TNR: variants seen among roughly 807,000 people sequenced by gnomAD.
TNR encodes tenascin R, also known as tenascin-R.
A neutral mutation model predicts 150.4 loss-of-function variants in TNR; 45 were observed. The ratio of observed to expected loss-of-function variants is 0.30; its 90% CI spans 0.24 to 0.38. TNR has a LOEUF of 0.38. Among genes scored for constraint, TNR ranks in the 10% least tolerant of loss-of-function variants. The pLI, the probability that TNR is intolerant of heterozygous loss-of-function variation, is 1.00. For synonymous variants in TNR, 687 were observed against 678.4 expected (o/e 1.01, Z -0.20); for missense variants, 1,544 against 1,759.1 (o/e 0.88, Z 2.19).
At chr1:175,629,724 T>C (rs777367083) in intron 1 of TNR, among the ~76,000 whole-genome samples, 11 of 152,096 alleles carry the variant, frequency 7.2e-5, no homozygotes, top group Non-Finnish European at 1.2e-4. Context: ...AAGCCAAGAA[T>C]TTTACCAGTG....
At chr1:175,545,672 G>A (rs1660657623) in intron 1 of TNR, among the ~76,000 whole-genome samples, 8 of 152,162 alleles carry the variant, frequency 5.3e-5, no homozygotes, top group Admixed American at 5.2e-4. Context: ...GATCTTCAAA[G>A]CAACTCTATG....
intron 8 of TNR, 109 bp from the exon 9 acceptor site, chr1:175,379,846 C>A: frequency 8.1e-7 from 1 of 1,240,012 alleles, no homozygotes; most frequent in Non-Finnish European, 1.1e-6. Context: ...CCCCCTGACC[C>A]TCTGGCTCAC....
intron 1 of TNR, among the ~76,000 whole-genome samples, chr1:175,567,441 T>C (rs1661688390): frequency 6.6e-6 from 1 of 152,152 alleles, no homozygotes; most frequent in East Asian, 1.9e-4. Flanking sequence ...GATGATTGAC[T>C]TGCAGCAGAA....
intron 1 of TNR, among the ~76,000 whole-genome samples, chr1:175,549,464 C>A (rs1397410116): frequency 6.6e-6 from 1 of 152,152 alleles, no homozygotes; most frequent in East Asian, 1.9e-4. Context: ...AGATAGCCTG[C>A]AAGATTTCTC....
chr1:175,652,716 G>A (rs1344776001), intron 1 of TNR, among the ~76,000 whole-genome samples: 1 of 152,176 alleles, frequency 6.6e-6, no homozygotes, highest in Non-Finnish European at 1.5e-5. Flanking sequence ...ATGGTTGTAA[G>A]TTTCCTGAGG....
intron 1 of TNR, among the ~76,000 whole-genome samples, chr1:175,605,268 C>T (rs1409063500): frequency 6.6e-6 from 1 of 152,102 alleles, no homozygotes; most frequent in Non-Finnish European, 1.5e-5. Flanking sequence ...TTAACCTTTC[C>T]AAAAATTTCA....
intron 10 of TNR, 122 bp from the exon 11 acceptor site, chr1:175,366,260 T>C (rs988697837): frequency 1.0e-5 from 11 of 1,057,346 alleles, no homozygotes; most frequent in Non-Finnish European, 1.3e-5. Flanking sequence ...TAGCTTGTCA[T>C]TGCTGACACT....
chr1:175,359,519 G>GA (rs1651493072), intron 15 of TNR, 93 bp downstream of exon 15: 15 of 1,597,284 alleles, frequency 9.4e-6, no homozygotes, highest in Middle Eastern at 2.3e-4. Flanking sequence ...CCTTCAGATT[G>GA]AAAAAATGTT....
At chr1:175,555,163 G>A (rs1278198093) in intron 1 of TNR, among the ~76,000 whole-genome samples, 2 of 152,170 alleles carry the variant, frequency 1.3e-5, no homozygotes, top group African/African-American at 2.4e-5. Flanking sequence ...ATTACACAGT[G>A]CCTGGCCCAG....
intron 2 of TNR, among the ~76,000 whole-genome samples, chr1:175,448,819 G>C (rs1363755984): frequency 1.3e-5 from 2 of 152,200 alleles, no homozygotes; most frequent in Non-Finnish European, 2.9e-5. Context: ...CCAAAGGCAG[G>C]CAGGGGAGCA....
intron 1 of TNR, among the ~76,000 whole-genome samples, chr1:175,737,150 G>T (rs765303716): frequency 6.6e-6 from 1 of 152,196 alleles, no homozygotes; most frequent in African/African-American, 2.4e-5. Flanking sequence ...GGGCAAGCAC[G>T]TTAGCCTCTC....
chr1:175,519,700 C>A (rs1659558817), intron 2 of TNR, among the ~76,000 whole-genome samples: 1 of 152,232 alleles, frequency 6.6e-6, no homozygotes, highest in African/African-American at 2.4e-5. Context: ...GGGTGCCCTG[C>A]TTTCCTTTCA....
intron 1 of TNR, among the ~76,000 whole-genome samples, chr1:175,561,816 ATGT>A (rs535943557): frequency 2.0e-5 from 3 of 152,174 alleles, no homozygotes; most frequent in East Asian, 1.9e-4. Context: ...GGTATGTATA[ATGT>A]TGTAGTACAC....
intron 1 of TNR, among the ~76,000 whole-genome samples, chr1:175,562,253 T>C (rs1338848495): frequency 6.6e-6 from 1 of 152,204 alleles, no homozygotes; most frequent in Non-Finnish European, 1.5e-5. Flanking sequence ...AGAAGCCTGA[T>C]GGAAATTTTA....
intron 4 of TNR, among the ~76,000 whole-genome samples, chr1:175,398,365 T>C (rs115452461): frequency 0.013 from 1,990 of 152,324 alleles, 50 homozygotes; most frequent in African/African-American, 0.046. Flanking sequence ...TTGTTTAAAA[T>C]TTATAAAACT....
At chr1:175,489,302 G>A (rs994249350) in intron 2 of TNR, among the ~76,000 whole-genome samples, 1 of 152,142 alleles carries the variant, frequency 6.6e-6, no homozygotes, top group African/African-American at 2.4e-5. Context: ...TGGTCCCCAG[G>A]TACTCTGCCA....
At chr1:175,380,565 T>C (rs918877875) in intron 8 of TNR, among the ~76,000 whole-genome samples, 1 of 150,918 alleles carries the variant, frequency 6.6e-6, no homozygotes, top group Non-Finnish European at 1.5e-5. Flanking sequence ...AGTGAGACTC[T>C]GTCTCCAAAG....
chr1:175,694,996 G>C (rs572909780), intron 1 of TNR, among the ~76,000 whole-genome samples: 1 of 152,314 alleles, frequency 6.6e-6, no homozygotes, highest in African/African-American at 2.4e-5. Context: ...CTTGGCTTTT[G>C]TGGTGGTTTT....
At chr1:175,683,559 A>G (rs1666103705) in intron 1 of TNR, among the ~76,000 whole-genome samples, 1 of 152,200 alleles carries the variant, frequency 6.6e-6, no homozygotes, top group African/African-American at 2.4e-5. Flanking sequence ...CCTTCAGCAC[A>G]AGGCAGGCAG....
Sources: gnomAD v4.1 joint callset for allele counts (sites outside exome capture counted in the v4.1 genomes callset) on GRCh38, gnomAD v4.1.1 for gene constraint, MANE v1.5 for transcripts, NCBI Gene and HGNC (gene_info 2026-07-23, HGNC 2026-07-21) for gene names.